DMD: variants seen among roughly 807,000 people sequenced by gnomAD.
DMD encodes dystrophin, also known as mutant dystrophin.
A neutral mutation model predicts 330.1 loss-of-function variants in DMD; 63 were observed. That is an observed-to-expected ratio of 0.19 (90% CI 0.16 to 0.24). DMD has a LOEUF of 0.24. DMD is among the 10% of genes least tolerant of loss of function. The pLI is 1.00. For synonymous variants in DMD, 1,223 were observed against 959.8 expected (o/e 1.27, Z -5.07); for missense variants, 3,344 against 2,684.1 (o/e 1.25, Z -5.43).
chrX:31,981,725 G>A (rs1471324911), intron 44 of DMD, among the ~76,000 whole-genome samples: 1 of 111,438 alleles, frequency 9.0e-6, no homozygotes, highest in African/African-American at 3.3e-5. Flanking sequence ...TCATCAGACT[G>A]GAAAAGGCAT....
intron 6 of DMD, among the ~76,000 whole-genome samples, chrX:32,816,171 A>C (rs1169570415): frequency 9.0e-6 from 1 of 111,662 alleles, no homozygotes; most frequent in Non-Finnish European, 1.9e-5. Flanking sequence ...GTTAGAATAC[A>C]ACCTGGATTT....
At chrX:32,729,315 C>T (rs745492738) in intron 7 of DMD, among the ~76,000 whole-genome samples, 4 of 112,121 alleles carry the variant, frequency 3.6e-5, no homozygotes, top group East Asian at 5.6e-4. Flanking sequence ...GGATACTCAA[C>T]ATATATTTTG....
At chrX:32,847,167 A>C in intron 3 of DMD, among the ~76,000 whole-genome samples, 1 of 111,948 alleles carries the variant, frequency 8.9e-6, no homozygotes, top group East Asian at 2.8e-4. Context: ...AAAGCCACAT[A>C]TTTCCTTTCA....
chrX:32,768,008 T>A (rs1255159313), intron 7 of DMD, among the ~76,000 whole-genome samples: 2 of 111,929 alleles, frequency 1.8e-5, no homozygotes, highest in Non-Finnish European at 3.8e-5. Context: ...CACACACACA[T>A]AACTTTATTC....
intron 6 of DMD, among the ~76,000 whole-genome samples, chrX:32,810,348 C>T (rs1372182304): frequency 2.7e-5 from 3 of 111,178 alleles, no homozygotes; most frequent in Non-Finnish European, 5.7e-5. Context: ...GACCTCTTCC[C>T]TAAACTTCAA....
intron 1 of DMD, among the ~76,000 whole-genome samples, chrX:33,035,548 A>G (rs1602958726): frequency 8.9e-6 from 1 of 112,088 alleles, no homozygotes; most frequent in African/African-American, 3.2e-5. Flanking sequence ...TCTGTAATGT[A>G]CTTTGACAGT....
chrX:31,147,578 A>C, intron 74 of DMD, 60 bp from the exon 75 acceptor site: 1 of 967,992 alleles, frequency 1.0e-6, no homozygotes. Context: ...AAGAAGAAAA[A>C]AAGTAATTTG....
chrX:32,096,757 A>C (rs2096509634), intron 44 of DMD, among the ~76,000 whole-genome samples: 1 of 111,318 alleles, frequency 9.0e-6, no homozygotes, highest in South Asian at 3.7e-4. Context: ...CAATCACTTA[A>C]AATAAGACTA....
chrX:31,365,245 A>C (rs1340347074), intron 60 of DMD, among the ~76,000 whole-genome samples: 1 of 111,113 alleles, frequency 9.0e-6, no homozygotes, highest in Non-Finnish European at 1.9e-5. Flanking sequence ...TAATATTAGG[A>C]AAAGAGAACG....
At chrX:32,999,908 T>C (rs1249220320) in intron 2 of DMD, among the ~76,000 whole-genome samples, 1 of 112,920 alleles carries the variant, frequency 8.9e-6, no homozygotes, top group African/African-American at 3.2e-5. Context: ...ACTTGAAGCG[T>C]CACGTACACG....
At chrX:33,161,767 C>A (rs1261217605) in intron 1 of DMD, among the ~76,000 whole-genome samples, 1 of 111,764 alleles carries the variant, frequency 8.9e-6, no homozygotes, top group Admixed American at 9.6e-5. Flanking sequence ...TAATTTTTAT[C>A]ACATTATTTC....
chrX:32,147,717 C>T (rs1250210472), intron 44 of DMD, among the ~76,000 whole-genome samples: 1 of 110,241 alleles, frequency 9.1e-6, no homozygotes, highest in African/African-American at 3.3e-5. Context: ...AGTTACACAC[C>T]AAAATGTTAA....
chrX:31,462,341 G>C (rs1039089083), intron 59 of DMD, among the ~76,000 whole-genome samples: 1 of 111,098 alleles, frequency 9.0e-6, no homozygotes, highest in African/African-American at 3.3e-5. Context: ...TTAGCCAGGC[G>C]TGGCGGTGCA....
chrX:32,738,318 C>G (rs2068788472), intron 7 of DMD, among the ~76,000 whole-genome samples: 1 of 111,435 alleles, frequency 9.0e-6, no homozygotes, highest in Admixed American at 9.6e-5. Context: ...TGCAGACATC[C>G]CAAAATAACA....
intron 59 of DMD, among the ~76,000 whole-genome samples, chrX:31,456,772 A>G (rs1263822741): frequency 1.8e-5 from 2 of 109,007 alleles, no homozygotes; most frequent in Non-Finnish European, 3.8e-5. Context: ...GGCAACTCTT[A>G]GATTTAATTA....
chrX:32,504,627 AAAAATAAAT>A (rs2044428838), intron 18 of DMD, among the ~76,000 whole-genome samples: 1 of 111,484 alleles, frequency 9.0e-6, no homozygotes, highest in Admixed American at 9.5e-5. Context: ...ACTCTGTCTC[AAAAATAAAT>A]AAATAAAATA....
intron 59 of DMD, among the ~76,000 whole-genome samples, chrX:31,461,960 T>C (rs371268138): frequency 9.0e-6 from 1 of 111,050 alleles, no homozygotes; most frequent in East Asian, 2.8e-4. Flanking sequence ...ATCCCAGGAG[T>C]GGACCACAGC....
chrX:32,329,005 T>G (rs377374098), intron 41 of DMD, among the ~76,000 whole-genome samples: 281 of 111,629 alleles, frequency 2.5e-3, no homozygotes, highest in African/African-American at 8.5e-3. Flanking sequence ...TGCAGGGATT[T>G]CCACAGGAAG....
chrX:33,092,638 C>T (rs1275316941), intron 1 of DMD, among the ~76,000 whole-genome samples: 2 of 110,877 alleles, frequency 1.8e-5, no homozygotes, highest in African/African-American at 6.6e-5. Flanking sequence ...AGCAACTGAC[C>T]TCTTTTGCTT....
Sources: gnomAD v4.1 joint callset for allele counts (sites outside exome capture counted in the v4.1 genomes callset) on GRCh38, gnomAD v4.1.1 for gene constraint, MANE v1.5 for transcripts, NCBI Gene and HGNC (gene_info 2026-07-23, HGNC 2026-07-21) for gene names.